NRXN3: variants seen among roughly 807,000 people sequenced by gnomAD.
NRXN3 encodes neurexin 3.
NRXN3 carries 32 observed loss-of-function variants against 137.6 expected under a neutral mutation model. That is an observed-to-expected ratio of 0.23 (90% CI 0.18 to 0.31). The LOEUF is 0.31. Among genes scored for constraint, NRXN3 ranks in the 10% least tolerant of loss-of-function variants. The pLI is 1.00. For synonymous variants in NRXN3, 798 were observed against 784.5 expected (o/e 1.02, Z -0.29); for missense variants, 1,574 against 2,062.5 (o/e 0.76, Z 4.59).
At chr14:79,192,765 A>ATTCTTTTTTTTT (rs1413090484) in intron 15 of NRXN3, among the ~76,000 whole-genome samples, 1 of 115,300 alleles carries the variant, frequency 8.7e-6, no homozygotes, top group Non-Finnish European at 1.7e-5. Flanking sequence ...AATTCTCTTA[A>ATTCTTTTTTTTT]TTTTTTTTTT....
At chr14:79,278,658 T>G (rs1464417821) in intron 15 of NRXN3, among the ~76,000 whole-genome samples, 1 of 152,206 alleles carries the variant, frequency 6.6e-6, no homozygotes, top group Non-Finnish European at 1.5e-5. Context: ...CGATAACCTC[T>G]GGATTTTGAA....
intron 15 of NRXN3, among the ~76,000 whole-genome samples, chr14:79,259,529 A>ATATATATAGTTATCTATATATATAGCTG (rs1568830226): frequency 1.2e-4 from 18 of 149,022 alleles, no homozygotes; most frequent in African/African-American, 2.9e-4. Context: ...ATGTATCTAC[A>ATATATATAGTTATCTATATATATAGCTG]TATATATAGT....
At chr14:78,609,779 A>G (rs1270958353) in intron 4 of NRXN3, among the ~76,000 whole-genome samples, 1 of 152,194 alleles carries the variant, frequency 6.6e-6, no homozygotes, top group African/African-American at 2.4e-5. Flanking sequence ...AGCCAGCAAA[A>G]GTATGCTTGT....
chr14:78,639,498 A>T (rs904518838), intron 4 of NRXN3, among the ~76,000 whole-genome samples: 1 of 152,176 alleles, frequency 6.6e-6, no homozygotes, highest in Non-Finnish European at 1.5e-5. Flanking sequence ...TTGGAGGTAA[A>T]GAGTGTTATC....
intron 6 of NRXN3, among the ~76,000 whole-genome samples, chr14:78,665,873 T>C (rs1457118083): frequency 6.6e-6 from 1 of 152,136 alleles, no homozygotes; most frequent in Non-Finnish European, 1.5e-5. Context: ...CTAGGCAATG[T>C]CAATTTATCA....
chr14:78,333,858 G>A (rs1046560665), intron 4 of NRXN3, among the ~76,000 whole-genome samples: 2 of 152,158 alleles, frequency 1.3e-5, no homozygotes, highest in Non-Finnish European at 2.9e-5. Flanking sequence ...CCCTCTGGCT[G>A]CAGCAGGGCC....
At chr14:79,185,280 C>T (rs570394211) in intron 15 of NRXN3, among the ~76,000 whole-genome samples, 14 of 152,256 alleles carry the variant, frequency 9.2e-5, no homozygotes, top group Non-Finnish European at 1.9e-4. Flanking sequence ...CTTCTCTCAT[C>T]TTCTTCATGT....
intron 16 of NRXN3, among the ~76,000 whole-genome samples, chr14:79,497,612 C>T (rs1417549597): frequency 6.6e-6 from 1 of 152,044 alleles, no homozygotes; most frequent in East Asian, 1.9e-4. Flanking sequence ...TGTCTGCCTC[C>T]CCACACTAGA....
At chr14:79,466,524 G>C (rs1430742973) in intron 15 of NRXN3, among the ~76,000 whole-genome samples, 1 of 152,064 alleles carries the variant, frequency 6.6e-6, no homozygotes, top group East Asian at 1.9e-4. Flanking sequence ...GGAGGCAAAG[G>C]GTGCAGTGAG....
intron 4 of NRXN3, among the ~76,000 whole-genome samples, chr14:78,532,333 A>AAAAG (rs1566661147): frequency 1.4e-4 from 21 of 150,150 alleles, no homozygotes; most frequent in South Asian, 1.1e-3. Flanking sequence ...AAAGAAAAAA[A>AAAAG]AAAAGAAAAG....
chr14:79,204,928 C>T (rs2066583011), intron 15 of NRXN3, among the ~76,000 whole-genome samples: 1 of 152,164 alleles, frequency 6.6e-6, no homozygotes, highest in South Asian at 2.1e-4. Context: ...TTGGTTGCTT[C>T]CTTCTGGCAA....
chr14:79,801,089 AG>A (rs1053903381), intron 19 of NRXN3, among the ~76,000 whole-genome samples: 3 of 152,312 alleles, frequency 2.0e-5, no homozygotes, highest in Non-Finnish European at 4.4e-5. Context: ...TTACCAAAAC[AG>A]GCAAAGAGGG....
At chr14:79,532,099 G>A (rs1191470815) in intron 16 of NRXN3, among the ~76,000 whole-genome samples, 3 of 152,082 alleles carry the variant, frequency 2.0e-5, no homozygotes. Flanking sequence ...CTCTTTCCCT[G>A]CCTTCTCTTC....
chr14:79,818,309 T>G lies in NRXN3; in HGVS notation c.4093+13119T>G, dbSNP rs2099259203. ...ACCTCGTGATCCGCCCGCCTCGGCCTCCCAAAGTGCTGGGATTACAGGCGT... is the reference window on the plus strand; with the variant it reads ...ACCTCGTGATCCGCCCGCCTCGGCCGCCCAAAGTGCTGGGATTACAGGCGT... On this transcript the variant is annotated intron_variant, in intron 20 of 20. Transcript: ENST00000335750. Among the ~76,000 whole-genome samples the G allele has an allele frequency of 2.6e-5, 4 of 152,064 alleles. No homozygotes were observed. The South Asian group carries it at 8.3e-4, about 32-fold the overall frequency.
At chr14:79,841,333 G>GC (rs556359757) in intron 20 of NRXN3, among the ~76,000 whole-genome samples, 302 of 152,196 alleles carry the variant, frequency 2.0e-3, no homozygotes, top group African/African-American at 7.1e-3. Flanking sequence ...GAACTTACCG[G>GC]CCCTATAGAG....
chr14:79,519,031 T>C lies in NRXN3; in HGVS notation c.3444+51629T>C, dbSNP rs2097028250. The stretch of plus-strand genomic sequence containing the variant: ...CTCTTTAAAAGCTTGGAATGATTTA[T>C]CTGTGACCTTTTCTGGGCCTCGTGC... On this transcript the variant is annotated intron_variant, in intron 16 of 20. Transcript: ENST00000335750. 2.0e-5 allele frequency among the ~76,000 whole-genome samples: 3 copies of C among 152,210 alleles called. No individual in the cohort carries two copies. The South Asian group carries it at 6.2e-4, about 31-fold the overall frequency.
intron 15 of NRXN3, among the ~76,000 whole-genome samples, chr14:79,065,115 T>C (rs1595550816): frequency 6.6e-6 from 1 of 151,968 alleles, no homozygotes; most frequent in Non-Finnish European, 1.5e-5. Flanking sequence ...TACTAGCATA[T>C]GTTATTTTAT....
intron 19 of NRXN3, among the ~76,000 whole-genome samples, chr14:79,786,927 C>T (rs2099131092): frequency 1.3e-5 from 2 of 152,190 alleles, no homozygotes. Context: ...TTAAGTGAGA[C>T]AGGCTAGTGT....
intron 16 of NRXN3, among the ~76,000 whole-genome samples, chr14:79,629,145 T>C (rs1041856270): frequency 6.6e-6 from 1 of 152,202 alleles, no homozygotes; most frequent in African/African-American, 2.4e-5. Context: ...TGTCCCCAGA[T>C]AATTTTTAAA....
Sources: allele counts gnomAD v4.1 joint callset (sites outside exome capture counted in the v4.1 genomes callset), GRCh38; gene constraint gnomAD v4.1.1; transcripts MANE v1.5; gene names NCBI Gene and HGNC (gene_info 2026-07-23, HGNC 2026-07-21).